VPS13A: variants seen among roughly 807,000 people sequenced by gnomAD.
VPS13A encodes the protein intermembrane lipid transfer protein VPS13A.
In VPS13A, 264 loss-of-function variants were observed where a neutral mutation model predicts 390.9. The ratio of observed to expected loss-of-function variants is 0.68; its 90% CI spans 0.61 to 0.75. The LOEUF is 0.75. Among genes scored for constraint, VPS13A ranks in the 30% least tolerant of loss-of-function variants. VPS13A has a pLI of 0.00. For missense variants in VPS13A, 3,409 were observed against 3,733.9 expected (o/e 0.91, Z 2.27); for synonymous variants, 1,231 against 1,227.1 (o/e 1.00, Z -0.07).
chr9:77,389,982 A>G, intron 68 of VPS13A: 1 of 582,240 alleles, frequency 1.7e-6, no homozygotes, highest in Non-Finnish European at 2.2e-6. Context: ...AGCTTCAAAC[A>G]CTGCCTTAAT....
chr9:77,238,093 T>C lies in VPS13A; in HGVS notation c.1687T>C (p.Ser563Pro), dbSNP rs375187580. Reference protein sequence around the residue: ...RLLSSLDDAMSLFQITFEINP... With the variant: ...RLLSSLDDAMPLFQITFEINP... The stretch of plus-strand genomic sequence containing the variant: ...CCTGTCTTCATTGGATGATGCAATG[T>C]CACTTTTCCAAATTACATTTGAGAT... The change falls in exon 18 of 72, where the codon TCA becomes CCA. Residue 563 changes from serine to proline, a missense_variant. By Grantham distance (74) the Ser-to-Pro change is moderately conservative. Coordinates refer to ENST00000360280, the MANE Select transcript of VPS13A (RefSeq NM_033305.3). 5.0e-6 allele frequency: 8 copies of C among 1,613,526 alleles called. No individual in the cohort carries two copies. The highest frequency in any genetic ancestry group is 1.3e-5 in the African/African-American group (1 of 74,900).
rs751657057 is a variant in VPS13A, at chr9:77,293,521, T to G, written c.3507+13T>G. On this transcript the variant is annotated intron_variant, in intron 32 of 71. Coordinates refer to ENST00000360280, the MANE Select transcript of VPS13A (RefSeq NM_033305.3). Reference sequence around the variant, plus strand: ...ATATTCTATATTGGTAAGTATTTTATTAAATTATTATTTATTTTATACTAA... The same window carrying G: ...ATATTCTATATTGGTAAGTATTTTAGTAAATTATTATTTATTTTATACTAA... 7.3e-7 allele frequency: 1 copy of G among 1,366,982 alleles called. No individual in the cohort carries two copies. Among genetic ancestry groups the G allele is most frequent in the South Asian group, 1.7e-5 (1 of 58,610 alleles). The allele number at this position is 1,366,982 out of a possible 1,614,324, so 84.7% of individuals were successfully genotyped here.
At chr9:77,331,819 A>C (rs1469972414) in intron 45 of VPS13A, among the ~76,000 whole-genome samples, 191 bp from the exon 46 acceptor site, 5 of 152,008 alleles carry the variant, frequency 3.3e-5, no homozygotes, top group African/African-American at 1.2e-4. Context: ...TTCCTATTAT[A>C]TAAAACTATA....
intron 4 of VPS13A, 50 bp from the exon 5 acceptor site, chr9:77,205,928 A>C (rs372129553): frequency 2.1e-4 from 246 of 1,165,096 alleles, no homozygotes; most frequent in Non-Finnish European, 2.5e-4. Context: ...TGGAATGACT[A>C]TATTTAAATT....
chr9:77,341,064 G>T (rs1404264688), intron 50 of VPS13A, among the ~76,000 whole-genome samples: 2 of 152,144 alleles, frequency 1.3e-5, no homozygotes, highest in Admixed American at 6.5e-5. Flanking sequence ...TAAAAGTTAG[G>T]ATTAGAGAAG....
chr9:77,308,143 C>A, intron 35 of VPS13A, 45 bp downstream of exon 35: 1 of 1,596,042 alleles, frequency 6.3e-7, no homozygotes, highest in Admixed American at 1.7e-5. Context: ...CTCTTTCTCT[C>A]TTTTTTCTTC....
chr9:77,369,007 G>A (rs1283135875), intron 62 of VPS13A, among the ~76,000 whole-genome samples: 1 of 152,142 alleles, frequency 6.6e-6, no homozygotes, highest in African/African-American at 2.4e-5. Context: ...GGTGGTGCAT[G>A]CCTGTAGTCC....
At chr9:77,281,629 C>T (rs532134727) in intron 27 of VPS13A, among the ~76,000 whole-genome samples, 6 of 151,892 alleles carry the variant, frequency 4.0e-5, no homozygotes, top group African/African-American at 1.2e-4. Context: ...AATGATAGTA[C>T]GTAACATTTA....
In VPS13A at chr9:77,321,159, A is replaced by G. The variant is rs1310442865; in HGVS notation, c.5416-10A>G. The G allele has an allele frequency of 6.2e-7, 1 of 1,609,718 alleles. No individual in the cohort carries two copies. The highest frequency in any genetic ancestry group is 8.5e-7 in the Non-Finnish European group (1 of 1,177,150). On this transcript the variant is annotated splice_polypyrimidine_tract_variant and intron_variant, in intron 42 of 71. Transcript: ENST00000360280. ...ATTTTTCCTTATATTTCTATGATTT[A>G]TCATTTTAGATGAAAAAGAAAGCAA...
intron 68 of VPS13A, among the ~76,000 whole-genome samples, chr9:77,394,365 C>T (rs1249232051): frequency 6.6e-6 from 1 of 152,102 alleles, no homozygotes; most frequent in Non-Finnish European, 1.5e-5. Flanking sequence ...CCTCATGTGG[C>T]CAGGGCTCTA....
chr9:77,308,135 C>T (rs577972529), intron 35 of VPS13A, 37 bp downstream of exon 35: 2 of 1,607,588 alleles, frequency 1.2e-6, no homozygotes, highest in African/African-American at 2.7e-5. Flanking sequence ...CTGCTTTCCT[C>T]TTTCTCTCTT....
chr9:77,233,496 G>A (rs1189303454), intron 17 of VPS13A, among the ~76,000 whole-genome samples: 1 of 151,966 alleles, frequency 6.6e-6, no homozygotes, highest in Non-Finnish European at 1.5e-5. Context: ...GTAAAGTGAG[G>A]TTATTGATTT....
rs1169621901 is a variant in VPS13A, at chr9:77,420,948, A to G, written c.*4942A>G. ...AAATATTTTCAGTATCAATGATTTA[A>G]TATCCACACAAACTATTAGGAATGG... is the stretch of plus-strand genomic sequence containing the variant. On this transcript the variant is annotated 3_prime_UTR_variant, in exon 72 of 72. Transcript: ENST00000360280. 1 of 152,230 alleles carries G rather than the reference A, an allele frequency of 6.6e-6. No homozygotes were observed. Among genetic ancestry groups the G allele is most frequent in the Non-Finnish European group, 1.5e-5 (1 of 68,036 alleles). The allele number at this position is 152,230 out of a possible 1,614,324, so 9.4% of individuals were successfully genotyped here. A position where few individuals can be genotyped will look rare whatever the true frequency, so the allele number is the denominator to read the frequency against.
intron 23 of VPS13A, among the ~76,000 whole-genome samples, chr9:77,268,718 T>C (rs1345890706): frequency 6.6e-6 from 1 of 152,042 alleles, no homozygotes; most frequent in African/African-American, 2.4e-5. Context: ...GGCAGGCAGA[T>C]CACTTGAGGT....
chr9:77,198,723 G>T (rs1825148027), intron 1 of VPS13A, among the ~76,000 whole-genome samples: 1 of 151,940 alleles, frequency 6.6e-6, no homozygotes, highest in Admixed American at 6.6e-5. Flanking sequence ...GAGTGCAGTG[G>T]CGTGATGTCG....
intron 19 of VPS13A, among the ~76,000 whole-genome samples, chr9:77,245,193 A>G (rs1342769514): frequency 6.6e-6 from 1 of 152,242 alleles, no homozygotes; most frequent in East Asian, 1.9e-4. Flanking sequence ...ATTAAAAACA[A>G]CTTAGAGAAA....
intron 68 of VPS13A, among the ~76,000 whole-genome samples, chr9:77,386,714 T>C (rs12341665): frequency 7.1e-6 from 1 of 140,538 alleles, no homozygotes; most frequent in African/African-American, 2.7e-5. Context: ...TTTTTTTTAA[T>C]TTTTTTTTTT....
chr9:77,194,789 T>C (rs541960586), intron 1 of VPS13A, among the ~76,000 whole-genome samples: 14 of 152,094 alleles, frequency 9.2e-5, no homozygotes, highest in South Asian at 6.2e-4. Flanking sequence ...GCATCCTCCT[T>C]CTGTTCACTC....
chr9:77,376,265 G>A (rs1226093180), intron 67 of VPS13A, among the ~76,000 whole-genome samples: 2 of 152,138 alleles, frequency 1.3e-5, no homozygotes, highest in Non-Finnish European at 2.9e-5. Flanking sequence ...AACATGCGGG[G>A]AATCACATCT....
Sources: allele counts gnomAD v4.1 joint callset (sites outside exome capture counted in the v4.1 genomes callset), GRCh38; gene constraint gnomAD v4.1.1; transcripts MANE v1.5; gene names NCBI Gene and HGNC (gene_info 2026-07-23, HGNC 2026-07-21).